PRKAG2: variants seen among roughly 807,000 people sequenced by gnomAD.
The protein encoded by PRKAG2 is protein kinase AMP-activated non-catalytic subunit gamma 2, also known as 5'-AMP-activated protein kinase subunit gamma-2.
In PRKAG2, 26 loss-of-function variants were observed where a neutral mutation model predicts 69.6. The ratio of observed to expected loss-of-function variants is 0.37; its 90% confidence interval spans 0.27 to 0.52. PRKAG2 has a LOEUF of 0.52. Among genes scored for constraint, PRKAG2 ranks in the 20% least tolerant of loss-of-function variants. The pLI is 0.90. For synonymous variants in PRKAG2, 293 were observed against 285.0 expected, an observed-to-expected ratio of 1.03 and a Z score of -0.28; for missense variants, 557 against 740.0, an observed-to-expected ratio of 0.75 and a Z score of 2.87.
At chr7:151,841,480 G>A (rs1405685443) in intron 1 of PRKAG2, among the ~76,000 whole-genome samples, 1 of 149,646 alleles carries the variant, frequency 6.7e-6, no homozygotes, top group Non-Finnish European at 1.5e-5. Context: ...GGTAGGTAAT[G>A]ATGATGGTAG....
intron 3 of PRKAG2, among the ~76,000 whole-genome samples, chr7:151,779,597 C>T (rs1299189555): frequency 1.3e-5 from 2 of 152,242 alleles, no homozygotes; most frequent in African/African-American, 2.4e-5. Flanking sequence ...GCTCAGAAAG[C>T]CTGCCCTGTC....
intron 3 of PRKAG2, among the ~76,000 whole-genome samples, chr7:151,702,130 T>C (rs1471612729): frequency 6.6e-6 from 1 of 152,186 alleles, no homozygotes; most frequent in African/African-American, 2.4e-5. Flanking sequence ...ATGGACAGCA[T>C]GGATACAGAA....
intron 3 of PRKAG2, among the ~76,000 whole-genome samples, chr7:151,698,527 A>G (rs1002914363): frequency 3.0e-4 from 46 of 151,988 alleles, no homozygotes; most frequent in African/African-American, 1.1e-3. Flanking sequence ...ATGAGTTCAC[A>G]CGAGGCCTGG....
intron 14 of PRKAG2, among the ~76,000 whole-genome samples, chr7:151,562,223 C>T (rs1411950084): frequency 5.2e-5 from 6 of 116,340 alleles, no homozygotes; most frequent in South Asian, 3.0e-4. Context: ...CCAGCCTGGG[C>T]GACAGAGTGA....
intron 3 of PRKAG2, among the ~76,000 whole-genome samples, chr7:151,727,935 T>C (rs1586109496): frequency 6.6e-6 from 1 of 152,152 alleles, no homozygotes; most frequent in Non-Finnish European, 1.5e-5. Flanking sequence ...ACCTTCCTCC[T>C]CCTGCAGTCA....
chr7:151,639,059 C>G (rs1452013352), intron 4 of PRKAG2, among the ~76,000 whole-genome samples: 2 of 152,198 alleles, frequency 1.3e-5, no homozygotes, highest in Non-Finnish European at 2.9e-5. Context: ...CAGGCAGCTC[C>G]AACCCACCAC....
intron 1 of PRKAG2, among the ~76,000 whole-genome samples, chr7:151,871,363 G>A (rs1299981126): frequency 2.0e-5 from 3 of 152,344 alleles, no homozygotes; most frequent in Non-Finnish European, 4.4e-5. Context: ...GCCAAGGCGG[G>A]ATGCCAACAG....
In PRKAG2 at chr7:151,815,221, T is replaced by C. The variant is rs1184532087; in HGVS notation, c.115-28680A>G. Among the ~76,000 whole-genome samples, 5 of 152,108 alleles carry C rather than the reference T, an allele frequency of 3.3e-5. No individual in the cohort carries two copies. The East Asian group carries it at 9.6e-4, about 29-fold the overall frequency. On this transcript the variant is annotated intron_variant, in intron 1 of 15. Coordinates refer to ENST00000287878, the MANE Select transcript of PRKAG2 (RefSeq NM_016203.4). ...CCAACCAGACAGCCTGCAAACATCA[T>C]CCAGGAGACAACATGGTCTCTGCCT...
At chr7:151,833,746 G>A (rs1485147843) in intron 1 of PRKAG2, among the ~76,000 whole-genome samples, 1 of 152,228 alleles carries the variant, frequency 6.6e-6, no homozygotes, top group East Asian at 1.9e-4. Flanking sequence ...GGGGAGGTTG[G>A]CACGAGGCAA....
chr7:151,861,371 T>C lies in PRKAG2; in HGVS notation c.114+15136A>G, dbSNP rs181598088. Among the ~76,000 whole-genome samples, 9 of 151,566 alleles carry C rather than the reference T, an allele frequency of 5.9e-5. No homozygotes were observed. The East Asian group carries it at 1.8e-3, about 30-fold the overall frequency. On this transcript the variant is annotated intron_variant, in intron 1 of 15. Coordinates refer to ENST00000287878, the MANE Select transcript of PRKAG2 (RefSeq NM_016203.4). ...GGCAAAACTTCATCTCTACTAAAAATACAAAACCTGGCCGGTCATGGTGGT... is the reference window on the plus strand; with the variant it reads ...GGCAAAACTTCATCTCTACTAAAAACACAAAACCTGGCCGGTCATGGTGGT...
chr7:151,795,846 C>CAT (rs55657994), intron 1 of PRKAG2, among the ~76,000 whole-genome samples: 3,062 of 56,202 alleles, frequency 0.054, 91 homozygotes, highest in Non-Finnish European at 0.075. Context: ...AAACAAATCT[C>CAT]ATATATATAT....
At chr7:151,753,128 G>A (rs998919388) in intron 3 of PRKAG2, among the ~76,000 whole-genome samples, 2 of 152,226 alleles carry the variant, frequency 1.3e-5, no homozygotes. Flanking sequence ...TGCTCAGGTC[G>A]TGACAGATGA....
intron 3 of PRKAG2, among the ~76,000 whole-genome samples, chr7:151,729,893 T>C (rs1353345596): frequency 2.0e-5 from 3 of 152,158 alleles, no homozygotes; most frequent in Non-Finnish European, 4.4e-5. Flanking sequence ...GACCTGGTGA[T>C]GAAAATACGT....
chr7:151,841,513 T>TTGG, intron 1 of PRKAG2, among the ~76,000 whole-genome samples: 1 of 141,390 alleles, frequency 7.1e-6, no homozygotes, highest in Non-Finnish European at 1.5e-5. Context: ...GGGATGGTAG[T>TTGG]GATGGTAGGG....
intron 2 of PRKAG2, among the ~76,000 whole-genome samples, chr7:151,782,350 A>AGGGAGGGAGGGAGGGG: frequency 8.1e-5 from 2 of 24,828 alleles, no homozygotes; most frequent in African/African-American, 2.2e-4. Flanking sequence ...GGAGGGAGGG[A>AGGGAGGGAGGGAGGGG]GGGAGGGAGG....
intron 3 of PRKAG2, among the ~76,000 whole-genome samples, chr7:151,760,713 A>G (rs2075363535): frequency 6.6e-6 from 1 of 151,888 alleles, no homozygotes; most frequent in East Asian, 1.9e-4. Context: ...CCACCCCACT[A>G]CCCACTCTCT....
At chr7:151,659,588 A>G (rs1830006095) in intron 4 of PRKAG2, among the ~76,000 whole-genome samples, 1 of 152,218 alleles carries the variant, frequency 6.6e-6, no homozygotes, top group Non-Finnish European at 1.5e-5. Context: ...TAATGTGTAG[A>G]CTAAATGCAA....
At chr7:151,582,024 A>G (rs1474165910) in intron 6 of PRKAG2, among the ~76,000 whole-genome samples, 1 of 152,232 alleles carries the variant, frequency 6.6e-6, no homozygotes, top group Admixed American at 6.5e-5. Context: ...TTAGAAACTG[A>G]TCACGCGTGC....
rs117226343 is a variant in PRKAG2, at chr7:151,802,156, C to T, written c.115-15615G>A. On this transcript the variant is annotated intron_variant, in intron 1 of 15. Transcript: ENST00000287878. ...AAAGTGCAGAAGATTCTGGGTCAGG[C>T]CCTGTGGGACATCCCTAGAGCCAGA... is the stretch of plus-strand genomic sequence containing the variant. 4.0e-4 allele frequency among the ~76,000 whole-genome samples: 61 copies of T among 152,330 alleles called. 1 individual carries two copies. The East Asian group carries it at 9.3e-3, about 23-fold the overall frequency.
Sources: allele counts gnomAD v4.1 joint callset (sites outside exome capture counted in the v4.1 genomes callset), GRCh38; gene constraint gnomAD v4.1.1; transcripts MANE v1.5; gene names NCBI Gene and HGNC (gene_info 2026-07-23, HGNC 2026-07-21).